Variants in OR7G3 observed in about 807,000 individuals in gnomAD.
The protein encoded by OR7G3 is olfactory receptor family 7 subfamily G member 3, also known as olfactory receptor 7G3.
For synonymous variants in OR7G3, 143 were observed against 157.6 expected (o/e 0.91, Z 0.69); for missense variants, 352 against 372.1 (o/e 0.95, Z 0.44).
chr19:9,126,023 A>C lies in OR7G3; in HGVS notation c.928T>G (p.Ser310Ala), dbSNP rs780595264. The change falls in exon 1 of 1, where the codon TCT becomes GCT. Residue 310 changes from serine to alanine, a missense_variant. Physicochemically the swap from Ser to Ala is moderately conservative, Grantham distance 99 (BLOSUM62 1). Transcript: ENST00000305444. ...ALRKLISRIP[S>A]FH ...AAGAAGCTGAGACATCAATGGAAAGATGGTATCCTAGATATTAGTTTCCTC... is the reference window on the plus strand; with the variant it reads ...AAGAAGCTGAGACATCAATGGAAAGCTGGTATCCTAGATATTAGTTTCCTC... 3 of 1,502,796 alleles carry C rather than the reference A, an allele frequency of 2.0e-6. No homozygotes were observed. The African/African-American group carries it at 7.9e-5, about 40-fold the overall frequency. 93.1% of individuals were successfully genotyped at this position (1,502,796 alleles called of 1,614,324 possible).
Position 9,126,668 on chromosome 19 carries a change from T to C in OR7G3, c.283A>G (p.Thr95Ala). The change falls in exon 1 of 1, where the codon ACA becomes GCA. Residue 95 changes from threonine (T) to alanine (A), a missense_variant. By Grantham distance (58) the Thr-to-Ala change is moderately conservative. Coordinates refer to ENST00000305444, the MANE Select transcript of OR7G3 (RefSeq NM_001001958.1). ...IQAQAQSINYTGCLTQICFVL... is the reference protein window; with the variant it reads ...IQAQAQSINYAGCLTQICFVL... Reference sequence around the variant, plus strand: ...AAGCAGATTTGGGTGAGGCAGCCTGTGTAATTGATGGATTGAGCCTGTGCC... The same window carrying C: ...AAGCAGATTTGGGTGAGGCAGCCTGCGTAATTGATGGATTGAGCCTGTGCC... 6.2e-7 allele frequency: 1 copy of C among 1,614,076 alleles called. No homozygotes were observed. The highest frequency in any genetic ancestry group is 8.5e-7 in the Non-Finnish European group (1 of 1,180,022).
rs2050506067 is a variant in OR7G3, at chr19:9,126,038, T to C, written c.913A>G (p.Ile305Val). ...CAATGGAAAGATGGTATCCTAGATA[T>C]TAGTTTCCTCAAAGCCTTCAACATG... ...KDMLKALRKL[I>V]SRIPSFH The change falls in exon 1 of 1, where the codon ATA (isoleucine) becomes GTA (valine). Residue 305 changes from isoleucine (I) to valine (V), a missense_variant. By Grantham distance (29) the Ile-to-Val change is conservative. Coordinates refer to ENST00000305444, the MANE Select transcript of OR7G3 (RefSeq NM_001001958.1). The C allele has an allele frequency of 1.3e-6, 2 of 1,595,550 alleles. No homozygotes were observed. Among genetic ancestry groups the C allele is most frequent in the Non-Finnish European group, 1.7e-6 (2 of 1,167,894 alleles).
chr19:9,126,896 C>T lies in OR7G3; in HGVS notation c.55G>A (p.Gly19Arg). The T allele has an allele frequency of 6.2e-7, 1 of 1,609,480 alleles. No individual in the cohort carries two copies. The highest frequency in any genetic ancestry group is 8.5e-7 in the Non-Finnish European group (1 of 1,177,622). ...AGGATGGGCTGCAGCTCCGGATCCC[C>T]TGACAATCCCAAGAGAAAGAATTCT... ...TPEFFLLGLS[G>R]DPELQPILFM... Residue 19 changes from glycine (G) to arginine (R), a missense_variant, in exon 1 of 1, where the codon GGG (glycine) becomes AGG (arginine). Transcript: ENST00000305444.
chr19:9,126,260 C>G lies in OR7G3; in HGVS notation c.691G>C (p.Ala231Pro). 1.1e-5 allele frequency: 18 copies of G among 1,614,080 alleles called. No individual in the cohort carries two copies. The highest frequency in any genetic ancestry group is 1.5e-5 in the Non-Finnish European group (18 of 1,180,002). Reference protein sequence around the residue: ...IVSSVMKIPSAGGKYKAFSIC... With the variant: ...IVSSVMKIPSPGGKYKAFSIC... Reference sequence around the variant, plus strand: ...GAAAAAGCTTTATACTTTCCACCAGCTGATGGAATTTTCATGACAGAGGAG... The same window carrying G: ...GAAAAAGCTTTATACTTTCCACCAGGTGATGGAATTTTCATGACAGAGGAG... Residue 231 changes from alanine (A) to proline (P), a missense_variant, in exon 1 of 1, where the codon GCT (alanine) becomes CCT (proline). By Grantham distance (27) the Ala-to-Pro change is conservative. Transcript: ENST00000305444.
chr19:9,126,786 G>A lies in OR7G3; in HGVS notation c.165C>T (p.Leu55=), dbSNP rs752828292. Residue 55 remains leucine (L), a synonymous_variant, in exon 1 of 1, where the codon CTC becomes CTT. Coordinates refer to ENST00000305444, the MANE Select transcript of OR7G3 (RefSeq NM_001001958.1). ...IILAVNSDSH[L]HTPMYFLLSI... is the part of the protein sequence containing the mutation. The stretch of plus-strand genomic sequence containing the variant: ...AGAGGAGGAAGTACATGGGGGTGTG[G>A]AGGTGGGAGTCAGAGTTGACGGCCA... The A allele has an allele frequency of 6.8e-6, 11 of 1,613,304 alleles. No homozygotes were observed. The South Asian group carries it at 8.8e-5, about 13-fold the overall frequency.
chr19:9,126,365 TA>T lies in OR7G3; in HGVS notation c.585del (p.Asn195LysfsTer8). 1 of 1,613,944 alleles carries T rather than the reference TA, an allele frequency of 6.2e-7. No homozygotes were observed. Among genetic ancestry groups the T allele is most frequent in the Non-Finnish European group, 8.5e-7 (1 of 1,179,836 alleles). The part of the protein sequence containing the change: ...LKLACSDVLI[N>X]NILVYLVTSL... The stretch of plus-strand genomic sequence containing the variant: ...CTGGTCACCAAATACACCAGGATGT[TA>T]TTGATGAGGACATCAGAACAGGCGA... On this transcript the variant is annotated frameshift_variant, in exon 1 of 1. Coordinates refer to ENST00000305444, the MANE Select transcript of OR7G3 (RefSeq NM_001001958.1). LOFTEE classifies it low-confidence loss of function (END_TRUNC).
chr19:9,126,179 C>T lies in OR7G3; in HGVS notation c.772G>A (p.Val258Met), dbSNP rs1423950661. The stretch of plus-strand genomic sequence containing the variant: ...TGGGTAGCCCCAGAACTAAGGTACA[C>T]CCCAAACCCTGTTCCATAAAACAAG... ...VSLFYGTGFG[V>M]YLSSGATHSS... Residue 258 changes from valine to methionine, a missense_variant, in exon 1 of 1, where the codon GTG (valine) becomes ATG (methionine). Val to Met is a conservative substitution (Grantham distance 21). Transcript: ENST00000305444. 5 of 1,614,066 alleles carry T rather than the reference C, an allele frequency of 3.1e-6. No individual in the cohort carries two copies. Among genetic ancestry groups the T allele is most frequent in the Non-Finnish European group, 4.2e-6 (5 of 1,180,042 alleles).
chr19:9,126,140 C>A lies in OR7G3; in HGVS notation c.811G>T (p.Gly271Cys), dbSNP rs1455222645. 6.2e-7 allele frequency: 1 copy of A among 1,614,130 alleles called. No homozygotes were observed. The highest frequency in any genetic ancestry group is 2.2e-5 in the East Asian group (1 of 44,884). Residue 271 changes from glycine (G) to cysteine (C), a missense_variant, in exon 1 of 1, where the codon GGT becomes TGT. Gly to Cys is a radical substitution (Grantham distance 159). Coordinates refer to ENST00000305444, the MANE Select transcript of OR7G3 (RefSeq NM_001001958.1). Reference protein sequence around the residue: ...SSGATHSSRKGAIASVMYTVV... With the variant: ...SSGATHSSRKCAIASVMYTVV... ...GTATACATCACTGATGCTATTGCAC[C>A]CTTCCTGGAGGAGTGGGTAGCCCCA...
Position 9,126,332 on chromosome 19 carries a change from C to G in OR7G3, c.619G>C (p.Gly207Arg). 1.2e-6 allele frequency: 2 copies of G among 1,614,080 alleles called. No homozygotes were observed. Residue 207 changes from glycine to arginine, a missense_variant, in exon 1 of 1, where the codon GGT (glycine) becomes CGT (arginine). Transcript: ENST00000305444. ...ILVYLVTSLL[G>R]VVPLSGIIFS... ...ATGATCCCAGAGAGAGGAACAACAC[C>G]TAACAGGCTGGTCACCAAATACACC... is the stretch of plus-strand genomic sequence containing the variant.
rs774999135 is a variant in OR7G3 at position 9,126,747 on chromosome 19, C to G, written c.204G>C (p.Leu68Phe). The G allele has an allele frequency of 1.5e-5, 25 of 1,613,686 alleles. No homozygotes were observed. In the East Asian group the frequency reaches 5.6e-4, roughly 36 times the overall value. ...TGGTGGAGGTGAAACAGATGTCGAC[C>G]AAGGACAGGATAGAGAGGAGGAAGT... is the stretch of plus-strand genomic sequence containing the variant. ...PMYFLLSILS[L>F]VDICFTSTTM... The change falls in exon 1 of 1, where the codon TTG becomes TTC. Residue 68 changes from leucine to phenylalanine, a missense_variant. Leu to Phe is a conservative substitution (Grantham distance 22). Transcript: ENST00000305444.
chr19:9,126,393 C>T lies in OR7G3; in HGVS notation c.558G>A (p.Lys186=), dbSNP rs1568305339. 6.2e-7 allele frequency: 1 copy of T among 1,614,042 alleles called. No individual in the cohort carries two copies. Among genetic ancestry groups the T allele is most frequent in the Non-Finnish European group, 8.5e-7 (1 of 1,179,978 alleles). Residue 186 remains lysine (K), a synonymous_variant, in exon 1 of 1, where the codon AAG becomes AAA. Transcript: ENST00000305444. ...HFFCELAHIL[K]LACSDVLINN... ...TGATGAGGACATCAGAACAGGCGAGCTTGAGAATATGAGCTAGTTCACAGA... is the reference window on the plus strand; with the variant it reads ...TGATGAGGACATCAGAACAGGCGAGTTTGAGAATATGAGCTAGTTCACAGA...
Position 9,126,727 on chromosome 19 carries a change from G to A in OR7G3, c.224C>T (p.Ser75Phe), listed in dbSNP as rs1367237417. ...CACCAGCATCTTGGGCATCGTGGTG[G>A]AGGTGAAACAGATGTCGACCAAGGA... ...ILSLVDICFT[S>F]TTMPKMLVNI... The change falls in exon 1 of 1, where the codon TCC becomes TTC. Residue 75 changes from serine (S) to phenylalanine (F), a missense_variant. Coordinates refer to ENST00000305444, the MANE Select transcript of OR7G3 (RefSeq NM_001001958.1). 9 of 1,613,976 alleles carry A rather than the reference G, an allele frequency of 5.6e-6. No individual in the cohort carries two copies. The highest frequency in any genetic ancestry group is 2.2e-5 in the East Asian group (1 of 44,876).
Position 9,126,732 on chromosome 19 carries a change from G to T in OR7G3, c.219C>A (p.Phe73Leu). The T allele has an allele frequency of 6.2e-7, 1 of 1,613,978 alleles. No homozygotes were observed. The highest frequency in any genetic ancestry group is 8.5e-7 in the Non-Finnish European group (1 of 1,179,894). Reference sequence around the variant, plus strand: ...GCATCTTGGGCATCGTGGTGGAGGTGAAACAGATGTCGACCAAGGACAGGA... The same window carrying T: ...GCATCTTGGGCATCGTGGTGGAGGTTAAACAGATGTCGACCAAGGACAGGA... Reference protein sequence around the residue: ...LSILSLVDICFTSTTMPKMLV... With the variant: ...LSILSLVDICLTSTTMPKMLV... Residue 73 changes from phenylalanine (F) to leucine (L), a missense_variant, in exon 1 of 1, where the codon TTC (phenylalanine) becomes TTA (leucine). Physicochemically the swap from Phe to Leu is conservative, Grantham distance 22 (BLOSUM62 0). Transcript: ENST00000305444.
chr19:9,126,462 C>A lies in OR7G3; in HGVS notation c.489G>T (p.Val163=). Residue 163 remains valine (V), a synonymous_variant, in exon 1 of 1, where the codon GTG becomes GTT. Transcript: ENST00000305444. ...VLDALLHTLM[V]LQLTFCIDLE... ...GGTCTATGCAGAAGGTCAGCTGTAG[C>A]ACCATCAACGTGTGCAGCAGAGCAT... is the stretch of plus-strand genomic sequence containing the variant. The A allele has an allele frequency of 6.2e-7, 1 of 1,614,138 alleles. No individual in the cohort carries two copies. The highest frequency in any genetic ancestry group is 8.5e-7 in the Non-Finnish European group (1 of 1,180,014).
rs772374137 is a variant in OR7G3 at position 9,126,443 on chromosome 19, T to C, written c.508A>G (p.Ile170Val). 2.5e-6 allele frequency: 4 copies of C among 1,614,114 alleles called. No homozygotes were observed. Among genetic ancestry groups the C allele is most frequent in the Non-Finnish European group, 2.5e-6 (3 of 1,180,018 alleles). ...TLMVLQLTFCIDLEIPHFFCE... is the reference protein window; with the variant it reads ...TLMVLQLTFCVDLEIPHFFCE... ...AAAAAGTGGGGAATTTCCAGGTCTA[T>C]GCAGAAGGTCAGCTGTAGCACCATC... The change falls in exon 1 of 1, where the codon ATA (isoleucine) becomes GTA (valine). Residue 170 changes from isoleucine (I) to valine (V), a missense_variant. Coordinates refer to ENST00000305444, the MANE Select transcript of OR7G3 (RefSeq NM_001001958.1).
rs753677932 is a variant in OR7G3, at chr19:9,126,541, T to C, written c.410A>G (p.Asn137Ser). 19 of 1,613,948 alleles carry C rather than the reference T, an allele frequency of 1.2e-5. No individual in the cohort carries two copies. The highest frequency in any genetic ancestry group is 6.6e-5 in the South Asian group (6 of 91,074). ...CHPLRYNVIM[N>S]PKLCGLLLLL... ...AAGCAGCAGCCCACAGAGTTTGGGGTTCATGATGACATTGTACCTCAGTGG... is the reference window on the plus strand; with the variant it reads ...AAGCAGCAGCCCACAGAGTTTGGGGCTCATGATGACATTGTACCTCAGTGG... Residue 137 changes from asparagine (N) to serine (S), a missense_variant, in exon 1 of 1, where the codon AAC (asparagine) becomes AGC (serine). Asn to Ser is a conservative substitution (Grantham distance 46). Transcript: ENST00000305444.
In OR7G3 at chr19:9,126,425, G is replaced by A; in HGVS notation, c.526C>T (p.His176Tyr). The A allele has an allele frequency of 6.2e-7, 1 of 1,614,052 alleles. No individual in the cohort carries two copies. The highest frequency in any genetic ancestry group is 8.5e-7 in the Non-Finnish European group (1 of 1,179,988). ...LTFCIDLEIP[H>Y]FFCELAHILK... ...ATATGAGCTAGTTCACAGAAAAAGTGGGGAATTTCCAGGTCTATGCAGAAG... is the reference window on the plus strand; with the variant it reads ...ATATGAGCTAGTTCACAGAAAAAGTAGGGAATTTCCAGGTCTATGCAGAAG... Residue 176 changes from histidine (H) to tyrosine (Y), a missense_variant, in exon 1 of 1, where the codon CAC becomes TAC. Coordinates refer to ENST00000305444, the MANE Select transcript of OR7G3 (RefSeq NM_001001958.1).
rs372199759 is a variant in OR7G3, at chr19:9,126,438, G to A, written c.513C>T (p.Asp171=). ...LMVLQLTFCI[D]LEIPHFFCEL... ...CACAGAAAAAGTGGGGAATTTCCAG[G>A]TCTATGCAGAAGGTCAGCTGTAGCA... is the stretch of plus-strand genomic sequence containing the variant. Residue 171 remains aspartate (D), a synonymous_variant, in exon 1 of 1, where the codon GAC becomes GAT. Transcript: ENST00000305444. The A allele has an allele frequency of 6.2e-7, 1 of 1,613,986 alleles. No homozygotes were observed. Among genetic ancestry groups the A allele is most frequent in the African/African-American group, 1.3e-5 (1 of 74,902 alleles).
In OR7G3 at chr19:9,126,451, G is replaced by A; in HGVS notation, c.500C>T (p.Thr167Ile). 1 of 1,614,152 alleles carries A rather than the reference G, an allele frequency of 6.2e-7. No individual in the cohort carries two copies. The highest frequency in any genetic ancestry group is 8.5e-7 in the Non-Finnish European group (1 of 1,180,028). The stretch of plus-strand genomic sequence containing the variant: ...GGGAATTTCCAGGTCTATGCAGAAG[G>A]TCAGCTGTAGCACCATCAACGTGTG... ...LLHTLMVLQLTFCIDLEIPHF... is the reference protein window; with the variant it reads ...LLHTLMVLQLIFCIDLEIPHF... Residue 167 changes from threonine to isoleucine, a missense_variant, in exon 1 of 1, where the codon ACC (threonine) becomes ATC (isoleucine). Coordinates refer to ENST00000305444, the MANE Select transcript of OR7G3 (RefSeq NM_001001958.1).
Sources: allele counts gnomAD v4.1 joint callset, GRCh38; gene constraint gnomAD v4.1.1; transcripts MANE v1.5; gene names NCBI Gene and HGNC (gene_info 2026-07-23, HGNC 2026-07-21).